LRBA: variants seen among roughly 807,000 people sequenced by gnomAD.
The protein encoded by LRBA is lipopolysaccharide-responsive and beige-like anchor protein.
In LRBA, 176 loss-of-function variants were observed where a neutral mutation model predicts 330.0. The observed-to-expected ratio is 0.53, with a 90% CI of 0.47 to 0.60. The LOEUF is 0.60. Ranked by LOEUF, LRBA falls within the 20% of genes least tolerant of loss-of-function variation. The pLI is 0.00. For synonymous variants in LRBA, 1,230 were observed against 1,193.0 expected, an observed-to-expected ratio of 1.03 and a Z score of -0.64; for missense variants, 3,259 against 3,444.8, an observed-to-expected ratio of 0.95 and a Z score of 1.35.
intron 2 of LRBA, among the ~76,000 whole-genome samples, chr4:150,952,475 T>G (rs757017555): frequency 5.3e-5 from 8 of 152,176 alleles, no homozygotes; most frequent in South Asian, 2.1e-4. Context: ...CTTTTTTAAA[T>G]GAGCATATAC....
chr4:150,838,839 G>A (rs189482453), intron 28 of LRBA, among the ~76,000 whole-genome samples: 116 of 152,278 alleles, frequency 7.6e-4, no homozygotes, highest in African/African-American at 2.6e-3. Context: ...CTGGCAAGGA[G>A]TGGCGTTCCT....
intron 37 of LRBA, among the ~76,000 whole-genome samples, chr4:150,639,190 C>T (rs1778238306): frequency 7.8e-6 from 1 of 128,758 alleles, no homozygotes; most frequent in South Asian, 2.6e-4. Context: ...ATATCACACT[C>T]TGGGGACTGT....
At chr4:150,505,108 C>T (rs540806573) in intron 40 of LRBA, among the ~76,000 whole-genome samples, 4 of 152,182 alleles carry the variant, frequency 2.6e-5, no homozygotes, top group Non-Finnish European at 2.9e-5. Flanking sequence ...GAGACTTAGA[C>T]TCCCACACAA....
At chr4:150,725,793 C>T (rs964654907) in intron 36 of LRBA, among the ~76,000 whole-genome samples, 1 of 152,012 alleles carries the variant, frequency 6.6e-6, no homozygotes, top group East Asian at 1.9e-4. Flanking sequence ...ATAGATAGTA[C>T]AGTGAGATAA....
chr4:151,013,832 T>G (rs1439537724), intron 2 of LRBA: 1 of 152,594 alleles, frequency 6.6e-6, no homozygotes, highest in African/African-American at 2.4e-5. Context: ...CTTCAATTCC[T>G]TTTTTCATAT....
intron 2 of LRBA, among the ~76,000 whole-genome samples, chr4:150,954,960 C>T: frequency 6.7e-6 from 1 of 148,470 alleles, no homozygotes; most frequent in East Asian, 1.9e-4. Context: ...TCCTAAATAG[C>T]CTATATAAAA....
chr4:150,559,387 C>A (rs949162972), intron 40 of LRBA, among the ~76,000 whole-genome samples: 19 of 150,598 alleles, frequency 1.3e-4, no homozygotes, highest in Non-Finnish European at 1.9e-4. Context: ...ATGGTGAAAC[C>A]CCGTCTCTAC....
intron 46 of LRBA, among the ~76,000 whole-genome samples, chr4:150,421,486 T>G (rs1006391128): frequency 1.3e-5 from 2 of 151,820 alleles, no homozygotes; most frequent in African/African-American, 4.8e-5. Context: ...ATTTAAACCT[T>G]AGGTAGAAAT....
intron 47 of LRBA, among the ~76,000 whole-genome samples, chr4:150,415,047 T>C (rs1446189140): frequency 3.9e-5 from 6 of 152,190 alleles, no homozygotes; most frequent in African/African-American, 9.7e-5. Flanking sequence ...ATACAGGACA[T>C]AATTTGAAAA....
chr4:150,630,513 T>C lies in LRBA; in HGVS notation c.5922-31382A>G, dbSNP rs191495164. Among the ~76,000 whole-genome samples the C allele has an allele frequency of 4.2e-3, 646 of 152,350 alleles. 7 individuals carry two copies. Among genetic ancestry groups the C allele is most frequent in the African/African-American group, 0.015 (617 of 41,582 alleles). ...TCTGAATATCAGTAATCATGTCATATGTGATATGCAATTTTCTCATATTAA... is the reference window on the plus strand; with the variant it reads ...TCTGAATATCAGTAATCATGTCATACGTGATATGCAATTTTCTCATATTAA... On this transcript the variant is annotated intron_variant, in intron 37 of 56. Coordinates refer to ENST00000651943, the MANE Select transcript of LRBA (RefSeq NM_001364905.1).
intron 2 of LRBA, among the ~76,000 whole-genome samples, chr4:151,000,274 A>ATG (rs993640197): frequency 6.6e-6 from 1 of 152,240 alleles, no homozygotes; most frequent in African/African-American, 2.4e-5. Flanking sequence ...TCAGCTTTAG[A>ATG]TGTAAGTGCA....
At chr4:150,357,248 C>T (rs995921022) in intron 47 of LRBA, among the ~76,000 whole-genome samples, 1 of 151,960 alleles carries the variant, frequency 6.6e-6, no homozygotes, top group Non-Finnish European at 1.5e-5. Flanking sequence ...ATCAAGCACT[C>T]GTGCATCTTT....
At chr4:150,594,334 CT>C (rs974475795) in intron 38 of LRBA, among the ~76,000 whole-genome samples, 3 of 151,894 alleles carry the variant, frequency 2.0e-5, no homozygotes, top group Non-Finnish European at 4.4e-5. Flanking sequence ...TAGAACAAAA[CT>C]TTTCCAAGCA....
intron 47 of LRBA, among the ~76,000 whole-genome samples, chr4:150,369,265 T>C (rs1739916917): frequency 6.6e-6 from 1 of 152,142 alleles, no homozygotes; most frequent in African/African-American, 2.4e-5. Flanking sequence ...ATGGACATCA[T>C]GTTTTGCAAA....
chr4:150,554,569 T>C (rs1202068745), intron 40 of LRBA, among the ~76,000 whole-genome samples: 1 of 152,148 alleles, frequency 6.6e-6, no homozygotes, highest in Non-Finnish European at 1.5e-5. Context: ...AAAAGAATGA[T>C]AAATGAAAAT....
At chr4:150,527,978 T>A (rs539441026) in intron 40 of LRBA, among the ~76,000 whole-genome samples, 1 of 152,332 alleles carries the variant, frequency 6.6e-6, no homozygotes, top group African/African-American at 2.4e-5. Context: ...TAGTCTGTAA[T>A]TTTAGGCATT....
Position 150,929,053 on chromosome 4 carries a change from G to A in LRBA, c.229C>T (p.Gln77Ter). Residue 77 changes from glutamine (Q) to a stop codon, truncating the protein, a stop_gained, in exon 3 of 57, where the codon CAG becomes TAG. Coordinates refer to ENST00000651943, the MANE Select transcript of LRBA (RefSeq NM_001364905.1). LOFTEE classifies it high-confidence loss of function. ...ATGAAATTCATTTCCAGATCAAACT[G>A]TCCTCCTACCAACTTACAAGGAAAA... ...ETVFNLLVGG[Q>*]FDLEMNFIIQ... The A allele has an allele frequency of 6.2e-7, 1 of 1,605,022 alleles. No homozygotes were observed.
intron 22 of LRBA, among the ~76,000 whole-genome samples, chr4:150,865,992 A>T (rs1248535898): frequency 6.6e-6 from 1 of 152,244 alleles, no homozygotes; most frequent in African/African-American, 2.4e-5. Context: ...CTGGGATTAC[A>T]GGCGTGAGCC....
intron 37 of LRBA, among the ~76,000 whole-genome samples, chr4:150,673,579 T>C (rs1782264363): frequency 6.6e-6 from 1 of 152,196 alleles, no homozygotes; most frequent in Non-Finnish European, 1.5e-5. Context: ...TTCAGTACAT[T>C]TGCTTTATCA....
Sources: gnomAD v4.1 joint callset for allele counts (sites outside exome capture counted in the v4.1 genomes callset) on GRCh38, gnomAD v4.1.1 for gene constraint, MANE v1.5 for transcripts, NCBI Gene and HGNC (gene_info 2026-07-23, HGNC 2026-07-21) for gene names.